Variants in CEP70 observed in about 807,000 individuals in gnomAD.
The protein encoded by CEP70 is centrosomal protein of 70 kDa.
A neutral mutation model predicts 90.9 loss-of-function variants in CEP70; 70 were observed. That is an observed-to-expected ratio of 0.77 (90% CI 0.64 to 0.94). CEP70 has a LOEUF of 0.94. Among genes scored for constraint, CEP70 ranks in the 40% least tolerant of loss-of-function variants. The pLI is 0.00. For missense variants in CEP70, 648 were observed against 669.0 expected (o/e 0.97, Z 0.35); for synonymous variants, 220 against 228.3 (o/e 0.96, Z 0.33).
At chr3:138,506,469 A>C (rs1454706969) in intron 12 of CEP70, among the ~76,000 whole-genome samples, 3 of 152,188 alleles carry the variant, frequency 2.0e-5, no homozygotes, top group Non-Finnish European at 4.4e-5. Context: ...TCCGAGGAAA[A>C]AAAGGGAGAC....
At chr3:138,508,722 T>C (rs1368440120) in intron 11 of CEP70, among the ~76,000 whole-genome samples, 178 bp from the exon 12 acceptor site, 2 of 151,974 alleles carry the variant, frequency 1.3e-5, no homozygotes, top group Non-Finnish European at 2.9e-5. Context: ...TATGCATATA[T>C]AGAGTTAAAA....
intron 11 of CEP70, among the ~76,000 whole-genome samples, chr3:138,522,083 G>C (rs1030717983): frequency 9.9e-5 from 15 of 152,170 alleles, no homozygotes; most frequent in African/African-American, 1.4e-4. Flanking sequence ...CTTAAAGGCA[G>C]CATGCTCCTT....
chr3:138,495,044 CT>C lies in CEP70; in HGVS notation c.1764del (p.Val589Ter). The C allele has an allele frequency of 1.3e-6, 2 of 1,550,420 alleles. No individual in the cohort carries two copies. Among genetic ancestry groups the C allele is most frequent in the Non-Finnish European group, 1.8e-6 (2 of 1,124,532 alleles). Reference sequence around the variant, plus strand: ...TATGAAAGTACTTTTAATTTCTTTACTGCAGGTACAATGGCATCCAAGTCAT... The same window carrying C: ...TATGAAAGTACTTTTAATTTCTTTACGCAGGTACAATGGCATCCAAGTCAT... ...EIDDLDAIVP[A>X]VKKLKVLSY On this transcript the variant is annotated frameshift_variant, in exon 18 of 18. Transcript: ENST00000264982. LOFTEE classifies it high-confidence loss of function.
At chr3:138,564,273 G>A (rs1190047239) in intron 6 of CEP70, among the ~76,000 whole-genome samples, 1 of 152,178 alleles carries the variant, frequency 6.6e-6, no homozygotes, top group Non-Finnish European at 1.5e-5. Context: ...GATGTACAAA[G>A]AGGAGCTGGT....
At position 138,508,761 on chromosome 3, in the gene CEP70, T is replaced by G. The variant is rs151310021; in HGVS notation, c.945-217A>C. 5.6e-3 allele frequency among the ~76,000 whole-genome samples: 847 copies of G among 151,124 alleles called. 6 individuals carry two copies. Among genetic ancestry groups the G allele is most frequent in the African/African-American group, 0.02 (804 of 41,158 alleles). ...ATTTTTTTTTTTTTTTGAGACAGAA[T>G]CTCGCTCTATCACCCAGGCTGGAGT... On this transcript the variant is annotated intron_variant, in intron 11 of 17. Coordinates refer to ENST00000264982, the MANE Select transcript of CEP70 (RefSeq NM_024491.4).
At position 138,591,678 on chromosome 3, in the gene CEP70, G is replaced by A. The variant is rs545365620; in HGVS notation, c.-6+176C>T. On this transcript the variant is annotated intron_variant, in intron 2 of 17. Transcript: ENST00000264982. ...CAGCTTTCTGTGTTATCTTAAGTAG[G>A]TATTTAACCTCTCTGAGCTTCAGCT... is the stretch of plus-strand genomic sequence containing the variant. 5.3e-5 allele frequency among the ~76,000 whole-genome samples: 8 copies of A among 152,262 alleles called. No homozygotes were observed. In the East Asian group the frequency reaches 1.4e-3, roughly 26 times the overall value.
At chr3:138,500,324 AT>A in intron 15 of CEP70, 74 bp downstream of exon 15, 6 of 1,522,110 alleles carry the variant, frequency 3.9e-6, no homozygotes, top group East Asian at 2.3e-5. Flanking sequence ...TCACTTAAAC[AT>A]TTTTTAATCT....
chr3:138,516,886 C>T (rs545469187), intron 11 of CEP70, among the ~76,000 whole-genome samples: 6 of 152,330 alleles, frequency 3.9e-5, no homozygotes, highest in Middle Eastern at 3.4e-3. Context: ...TCCCCACTTT[C>T]TCAAATCCCA....
intron 2 of CEP70, among the ~76,000 whole-genome samples, chr3:138,577,225 T>C (rs2041592731): frequency 1.3e-5 from 2 of 152,160 alleles, no homozygotes; most frequent in South Asian, 4.2e-4. Flanking sequence ...GGGATAGCAT[T>C]AGGAGAAGTA....
At chr3:138,558,583 GAAT>G (rs2040188382) in intron 6 of CEP70, among the ~76,000 whole-genome samples, 1 of 152,080 alleles carries the variant, frequency 6.6e-6, no homozygotes, top group South Asian at 2.1e-4. Flanking sequence ...TACACCCTAG[GAAT>G]AATGATGAAC....
At chr3:138,591,639 T>G (rs1197823007) in intron 2 of CEP70, among the ~76,000 whole-genome samples, 2 of 152,214 alleles carry the variant, frequency 1.3e-5, no homozygotes, top group Non-Finnish European at 2.9e-5. Flanking sequence ...GAGACTGTGA[T>G]TAGAGTTGGT....
At chr3:138,557,446 A>G (rs1002583735) in intron 6 of CEP70, among the ~76,000 whole-genome samples, 1 of 152,228 alleles carries the variant, frequency 6.6e-6, no homozygotes, top group African/African-American at 2.4e-5. Context: ...TGGGGAAGTG[A>G]TAAGCGTCCA....
At chr3:138,495,776 C>T in intron 17 of CEP70, 1 of 594,376 alleles carries the variant, frequency 1.7e-6, no homozygotes, top group South Asian at 7.5e-5. Flanking sequence ...TGCTTGAACC[C>T]CAGAGGCAGA....
chr3:138,541,485 A>C (rs2038765148), intron 6 of CEP70, among the ~76,000 whole-genome samples: 1 of 152,184 alleles, frequency 6.6e-6, no homozygotes, highest in African/African-American at 2.4e-5. Flanking sequence ...TATCTTTGAA[A>C]TACAAAGGAG....
chr3:138,564,687 C>T (rs111940019), intron 6 of CEP70, among the ~76,000 whole-genome samples: 7,302 of 152,046 alleles, frequency 0.048, 566 homozygotes, highest in African/African-American at 0.16. Context: ...GGGGATTGAT[C>T]GAACGTATCT....
At chr3:138,550,280 G>A (rs978575461) in intron 6 of CEP70, among the ~76,000 whole-genome samples, 12 of 152,116 alleles carry the variant, frequency 7.9e-5, no homozygotes, top group African/African-American at 2.9e-4. Flanking sequence ...ACCAGAGAAG[G>A]GTGAAGTCCA....
intron 6 of CEP70, among the ~76,000 whole-genome samples, chr3:138,558,875 C>A (rs2040204649): frequency 6.6e-6 from 1 of 152,104 alleles, no homozygotes; most frequent in South Asian, 2.1e-4. Flanking sequence ...AAAAAGTAAT[C>A]CACTGAGAAC....
chr3:138,545,573 A>G (rs2039122774), intron 6 of CEP70, among the ~76,000 whole-genome samples: 1 of 152,230 alleles, frequency 6.6e-6, no homozygotes, highest in Admixed American at 6.5e-5. Flanking sequence ...AGACAACCAT[A>G]AGGTCTGACT....
chr3:138,532,636 C>A, intron 7 of CEP70, 66 bp from the exon 8 acceptor site: 2 of 1,269,148 alleles, frequency 1.6e-6, no homozygotes, highest in South Asian at 1.8e-5. Flanking sequence ...ACTAGTTTCA[C>A]CACATAATTT....
Sources: allele counts gnomAD v4.1 joint callset (sites outside exome capture counted in the v4.1 genomes callset), GRCh38; gene constraint gnomAD v4.1.1; transcripts MANE v1.5; gene names NCBI Gene and HGNC (gene_info 2026-07-23, HGNC 2026-07-21).